The following CDH8 variants were observed in gnomAD, a reference collection of about 807,000 sequenced individuals.
CDH8 encodes the protein cadherin-8.
In CDH8, 17 loss-of-function variants were observed where a neutral mutation model predicts 68.1. That is an observed-to-expected ratio of 0.25 (90% CI 0.17 to 0.37). The LOEUF (loss-of-function observed/expected upper bound fraction) is 0.37, where lower values mean the gene tolerates loss of function less well. Among genes scored for constraint, CDH8 ranks in the 10% least tolerant of loss-of-function variants. The probability of loss-of-function intolerance (pLI) is 1.00; values close to 1 mark genes in which losing one functional copy is unlikely to be tolerated. For synonymous variants in CDH8, 372 were observed against 365.1 expected, an observed-to-expected ratio of 1.02 and a Z score of -0.21; for missense variants, 763 against 999.3, an observed-to-expected ratio of 0.76 and a Z score of 3.19.
intron 3 of CDH8, among the ~76,000 whole-genome samples, chr16:61,862,884 C>G (rs2143018866): frequency 6.6e-6 from 1 of 152,222 alleles, no homozygotes; most frequent in South Asian, 2.1e-4. Flanking sequence ...AATATAACAA[C>G]CAGGATTCTC....
rs183713845 is a variant in CDH8, at chr16:61,868,466, G to A, written c.548-11228C>T. ...ATTTTGAATTTATTAAAGAATAACG[G>A]TAAGGGTTTTCTCTACTCTTAAAAG... On this transcript the variant is annotated intron_variant, in intron 3 of 11. Coordinates refer to ENST00000577390, the MANE Select transcript of CDH8 (RefSeq NM_001796.5). 2.4e-4 allele frequency among the ~76,000 whole-genome samples: 36 copies of A among 152,196 alleles called. No homozygotes were observed. The Middle Eastern group carries it at 0.014, about 58-fold the overall frequency.
intron 1 of CDH8, among the ~76,000 whole-genome samples, chr16:62,025,371 T>G (rs1902173707): frequency 9.0e-6 from 1 of 111,604 alleles, no homozygotes; most frequent in Non-Finnish European, 1.8e-5. Context: ...CTGCCAGTTC[T>G]TTGTGAAGAG....
chr16:61,759,379 A>G (rs928642827), intron 8 of CDH8, among the ~76,000 whole-genome samples: 2 of 151,828 alleles, frequency 1.3e-5, no homozygotes, highest in Non-Finnish European at 2.9e-5. Flanking sequence ...AGGAGGAAGA[A>G]GAGGAAGAGG....
intron 10 of CDH8, among the ~76,000 whole-genome samples, chr16:61,676,277 G>A (rs189161689): frequency 9.4e-5 from 14 of 148,984 alleles, no homozygotes; most frequent in Admixed American, 8.7e-4. Flanking sequence ...AAAATGCTAG[G>A]GTGGTTATAC....
At chr16:61,965,365 G>C (rs1207670902) in intron 2 of CDH8, among the ~76,000 whole-genome samples, 1 of 152,136 alleles carries the variant, frequency 6.6e-6, no homozygotes, top group Non-Finnish European at 1.5e-5. Context: ...TTTTCATAAG[G>C]GCTGGGATCA....
At chr16:61,715,991 A>C (rs1426115177) in intron 9 of CDH8, among the ~76,000 whole-genome samples, 1 of 151,704 alleles carries the variant, frequency 6.6e-6, no homozygotes, top group Non-Finnish European at 1.5e-5. Flanking sequence ...CTTGTGAGCA[A>C]ATGTAGCAGC....
chr16:61,962,824 T>A (rs2150572481), intron 2 of CDH8, among the ~76,000 whole-genome samples: 1 of 152,342 alleles, frequency 6.6e-6, no homozygotes, highest in African/African-American at 2.4e-5. Flanking sequence ...ACATTCAGTG[T>A]ACACATTTAT....
intron 10 of CDH8, among the ~76,000 whole-genome samples, chr16:61,656,255 C>G (rs557374327): frequency 6.6e-6 from 1 of 152,204 alleles, no homozygotes; most frequent in South Asian, 2.1e-4. Context: ...GGAGTTTTAC[C>G]GTCATCACCT....
At chr16:61,723,041 T>G (rs1959241122) in intron 9 of CDH8, among the ~76,000 whole-genome samples, 1 of 150,722 alleles carries the variant, frequency 6.6e-6, no homozygotes, top group South Asian at 2.1e-4. Flanking sequence ...CAATGAATAT[T>G]TTCTGAGACT....
At chr16:61,846,492 G>C (rs893595981) in intron 4 of CDH8, among the ~76,000 whole-genome samples, 7 of 152,016 alleles carry the variant, frequency 4.6e-5, no homozygotes, top group African/African-American at 1.7e-4. Context: ...ATCTAAATGA[G>C]AGCATCAAGG....
At chr16:61,945,407 C>A (rs1964785832) in intron 2 of CDH8, among the ~76,000 whole-genome samples, 1 of 146,904 alleles carries the variant, frequency 6.8e-6, no homozygotes, top group African/African-American at 2.5e-5. Context: ...TGCCAAAAGG[C>A]CAATTTCGTT....
chr16:61,973,660 A>G (rs1367468088), intron 2 of CDH8, among the ~76,000 whole-genome samples: 2 of 152,232 alleles, frequency 1.3e-5, no homozygotes, highest in African/African-American at 4.8e-5. Flanking sequence ...AGATGCAAAG[A>G]AACCTGGACC....
At chr16:62,024,723 A>G (rs1036170260) in intron 1 of CDH8, among the ~76,000 whole-genome samples, 1 of 152,254 alleles carries the variant, frequency 6.6e-6, no homozygotes, top group Non-Finnish European at 1.5e-5. Context: ...TCTTACTGTT[A>G]GATAAAGCAT....
chr16:62,021,120 C>A (rs1902062898), intron 2 of CDH8, 32 bp downstream of exon 2: 1 of 1,591,338 alleles, frequency 6.3e-7, no homozygotes, highest in African/African-American at 1.3e-5. Context: ...ACTAACAGAC[C>A]CTGAAATTGA....
At chr16:61,777,384 A>G (rs1438097292) in intron 8 of CDH8, among the ~76,000 whole-genome samples, 1 of 152,096 alleles carries the variant, frequency 6.6e-6, no homozygotes, top group African/African-American at 2.4e-5. Context: ...TCTATATTTT[A>G]TCTATAGTTG....
At chr16:61,776,571 T>A (rs1960904406) in intron 8 of CDH8, among the ~76,000 whole-genome samples, 1 of 152,116 alleles carries the variant, frequency 6.6e-6, no homozygotes, top group Non-Finnish European at 1.5e-5. Context: ...GTCCCTCAAA[T>A]AATCCCAAAG....
chr16:61,758,622 AG>A (rs1456785043), intron 8 of CDH8, among the ~76,000 whole-genome samples: 2 of 152,078 alleles, frequency 1.3e-5, no homozygotes, highest in African/African-American at 4.8e-5. Flanking sequence ...TGGTACAGAC[AG>A]GGTTTCTCCA....
At position 61,739,645 on chromosome 16, in the gene CDH8, T is replaced by A. The variant is rs1268185608; in HGVS notation, c.1415-12430A>T. Among the ~76,000 whole-genome samples, 3 of 150,148 alleles carry A rather than the reference T, an allele frequency of 2.0e-5. No individual in the cohort carries two copies. The Admixed American group carries it at 2.0e-4, about 10-fold the overall frequency. The stretch of plus-strand genomic sequence containing the variant: ...GCACCAACCTAATATGTTGAAGAAG[T>A]ATGTATTGTTGAATATCTACTGAGT... On this transcript the variant is annotated intron_variant, in intron 8 of 11. Coordinates refer to ENST00000577390, the MANE Select transcript of CDH8 (RefSeq NM_001796.5).
chr16:61,787,699 C>A (rs1455952063), intron 8 of CDH8, among the ~76,000 whole-genome samples: 4 of 148,026 alleles, frequency 2.7e-5, no homozygotes, highest in African/African-American at 7.7e-5. Flanking sequence ...CCCAAATGTC[C>A]AACAATGATA....
Sources: gnomAD v4.1 joint callset for allele counts (sites outside exome capture counted in the v4.1 genomes callset) on GRCh38, gnomAD v4.1.1 for gene constraint, MANE v1.5 for transcripts, NCBI Gene and HGNC (gene_info 2026-07-23, HGNC 2026-07-21) for gene names.